The following RAD51B variants were observed in gnomAD, a reference collection of about 807,000 sequenced individuals.
The protein encoded by RAD51B is RAD51 paralog B.
Under a neutral mutation model 42.2 loss-of-function variants are expected in RAD51B, and 38 were observed. That is an observed-to-expected ratio of 0.90 (90% CI 0.70 to 1.18). RAD51B has a LOEUF of 1.18. Among genes scored for constraint, RAD51B ranks in the 50% most tolerant of loss-of-function variants. RAD51B has a pLI of 0.00. For missense variants in RAD51B, 373 were observed against 400.7 expected (o/e 0.93, Z 0.59); for synonymous variants, 154 against 145.2 (o/e 1.06, Z -0.43).
intron 4 of RAD51B, among the ~76,000 whole-genome samples, chr14:67,862,340 A>G (rs2042190543): frequency 6.6e-6 from 1 of 151,998 alleles, no homozygotes; most frequent in African/African-American, 2.4e-5. Flanking sequence ...CGTGGTAGAA[A>G]TTCATCAAAC....
At chr14:68,097,953 C>T (rs1210858544) in intron 7 of RAD51B, among the ~76,000 whole-genome samples, 1 of 152,182 alleles carries the variant, frequency 6.6e-6, no homozygotes. Context: ...TCCATTTCCT[C>T]CCATGTGCTG....
chr14:68,307,022 C>G (rs10131886), intron 8 of RAD51B, among the ~76,000 whole-genome samples: 3 of 30,218 alleles, frequency 9.9e-5, no homozygotes, highest in African/African-American at 1.8e-4. Flanking sequence ...TTTTTTTTTT[C>G]CCTATCTGGA....
chr14:68,504,417 A>G (rs750778540), intron 10 of RAD51B, among the ~76,000 whole-genome samples: 2 of 152,326 alleles, frequency 1.3e-5, no homozygotes, highest in East Asian at 1.9e-4. Context: ...GTGTACATCA[A>G]TGAGTTTGCT....
chr14:68,512,597 A>G (rs1885808296), intron 10 of RAD51B, among the ~76,000 whole-genome samples: 1 of 152,152 alleles, frequency 6.6e-6, no homozygotes, highest in Non-Finnish European at 1.5e-5. Context: ...CCCACACTCT[A>G]GGTGAGCAGT....
At chr14:68,420,667 T>A (rs1379228832) in intron 9 of RAD51B, among the ~76,000 whole-genome samples, 1 of 152,218 alleles carries the variant, frequency 6.6e-6, no homozygotes, top group Non-Finnish European at 1.5e-5. Flanking sequence ...GAGATCATGT[T>A]CATCATCATC....
intron 10 of RAD51B, among the ~76,000 whole-genome samples, chr14:68,586,098 G>T (rs1890458160): frequency 6.6e-6 from 1 of 152,072 alleles, no homozygotes. Context: ...GCCTATGGAA[G>T]AGAAGATCAT....
At chr14:68,169,141 G>T (rs564695961) in intron 7 of RAD51B, among the ~76,000 whole-genome samples, 15 of 152,230 alleles carry the variant, frequency 9.9e-5, no homozygotes, top group African/African-American at 3.6e-4. Context: ...TAAGCTCAAT[G>T]AATTTTGGTC....
chr14:68,309,659 A>G (rs1188485057), intron 8 of RAD51B, among the ~76,000 whole-genome samples: 2 of 152,248 alleles, frequency 1.3e-5, no homozygotes, highest in Non-Finnish European at 2.9e-5. Flanking sequence ...ATATTTTAAT[A>G]ATAACAATAA....
At chr14:68,165,861 T>C (rs1428696932) in intron 7 of RAD51B, among the ~76,000 whole-genome samples, 3 of 152,218 alleles carry the variant, frequency 2.0e-5, no homozygotes, top group African/African-American at 7.2e-5. Context: ...TGCTGTATAA[T>C]AATCCATCTA....
chr14:68,194,578 T>C (rs2079332008), intron 7 of RAD51B, among the ~76,000 whole-genome samples: 1 of 152,218 alleles, frequency 6.6e-6, no homozygotes, highest in African/African-American at 2.4e-5. Context: ...TCTTGAATAT[T>C]GTCCATGACC....
intron 7 of RAD51B, among the ~76,000 whole-genome samples, chr14:67,949,604 C>G (rs546520523): frequency 6.6e-6 from 1 of 152,096 alleles, no homozygotes; most frequent in Admixed American, 6.5e-5. Flanking sequence ...GTATTTTGAC[C>G]TCCTACCATT....
intron 10 of RAD51B, among the ~76,000 whole-genome samples, chr14:68,639,964 G>T (rs992140046): frequency 3.3e-5 from 5 of 151,966 alleles, no homozygotes; most frequent in Non-Finnish European, 7.4e-5. Flanking sequence ...ACCACACCCA[G>T]CTAATTTTTG....
intron 7 of RAD51B, among the ~76,000 whole-genome samples, chr14:68,066,102 G>C (rs1408681996): frequency 6.6e-6 from 1 of 151,844 alleles, no homozygotes; most frequent in East Asian, 1.9e-4. Context: ...ATATTCAACA[G>C]TGATTAAATA....
chr14:68,481,459 A>C (rs1470141639), downstream of RAD51B, among the ~76,000 whole-genome samples: 1 of 152,208 alleles, frequency 6.6e-6, no homozygotes, highest in East Asian at 1.9e-4. Context: ...GTGTTTGACA[A>C]ACCAATACAG....
At chr14:67,874,357 G>A (rs2042653906) in intron 5 of RAD51B, among the ~76,000 whole-genome samples, 1 of 152,080 alleles carries the variant, frequency 6.6e-6, no homozygotes, top group South Asian at 2.1e-4. Context: ...ATACAGCCCA[G>A]GATGGCTTTG....
At chr14:68,601,776 T>A (rs1348778133) in intron 10 of RAD51B, among the ~76,000 whole-genome samples, 1 of 152,102 alleles carries the variant, frequency 6.6e-6, no homozygotes, top group Non-Finnish European at 1.5e-5. Context: ...ACCCAATGGC[T>A]TTTCCTCACT....
chr14:68,484,126 C>A, intron 10 of RAD51B, among the ~76,000 whole-genome samples: 1 of 152,156 alleles, frequency 6.6e-6, no homozygotes, highest in Non-Finnish European at 1.5e-5. Context: ...TTCGCGTACC[C>A]TGAGGTGATA....
chr14:68,646,128 A>G (rs1283089856), intron 10 of RAD51B, among the ~76,000 whole-genome samples: 2 of 152,100 alleles, frequency 1.3e-5, no homozygotes, highest in Non-Finnish European at 2.9e-5. Flanking sequence ...GAATGAAATT[A>G]ATGAGTTAAA....
chr14:68,329,748 G>A (rs12884901), intron 8 of RAD51B, among the ~76,000 whole-genome samples: 73,999 of 151,982 alleles, frequency 0.49, 21,240 homozygotes, highest in South Asian at 0.65. Context: ...TTGGGAGGCC[G>A]AGGCAGGTGG....
Sources: allele counts gnomAD v4.1 joint callset (sites outside exome capture counted in the v4.1 genomes callset), GRCh38; gene constraint gnomAD v4.1.1; transcripts MANE v1.5; gene names NCBI Gene and HGNC (gene_info 2026-07-23, HGNC 2026-07-21).